The following ZNF438 variants were observed in gnomAD, a reference collection of about 807,000 sequenced individuals.
The protein encoded by ZNF438 is zinc finger protein 438.
A neutral mutation model predicts 38.0 loss-of-function variants in ZNF438; 25 were observed. That is an observed-to-expected ratio of 0.66 (90% CI 0.48 to 0.92). The LOEUF (loss-of-function observed/expected upper bound fraction) is 0.92, where lower values mean the gene tolerates loss of function less well. Ranked by LOEUF, ZNF438 falls within the 40% of genes least tolerant of loss-of-function variation. The pLI is 0.00. For missense variants in ZNF438, 1,007 were observed against 999.6 expected (o/e 1.01, Z -0.10); for synonymous variants, 372 against 364.1 (o/e 1.02, Z -0.25).
At chr10:30,881,328 T>C (rs563804710) in intron 3 of ZNF438, among the ~76,000 whole-genome samples, 1 of 152,280 alleles carries the variant, frequency 6.6e-6, no homozygotes, top group South Asian at 2.1e-4. Flanking sequence ...TATATTTTTG[T>C]ATCCTAGAAA....
At position 31,027,287 on chromosome 10, in the gene ZNF438, A is replaced by T. The variant is rs368737033; in HGVS notation, c.-192+4546T>A. On this transcript the variant is annotated intron_variant, in intron 1 of 5. Coordinates refer to ENST00000413025, the Ensembl canonical transcript of ZNF438. ...AAAAAAGAATTATATTTAAATGCTC[A>T]GTATGTACTATCACTGGGCTAGACA... 3.3e-5 allele frequency among the ~76,000 whole-genome samples: 5 copies of T among 152,308 alleles called. No homozygotes were observed. The East Asian group carries it at 9.6e-4, about 29-fold the overall frequency.
At chr10:30,869,314 C>T (rs1305826631) in intron 4 of ZNF438, among the ~76,000 whole-genome samples, 1 of 152,010 alleles carries the variant, frequency 6.6e-6, no homozygotes, top group Non-Finnish European at 1.5e-5. Context: ...GCGGAGGTTG[C>T]AGTGAGCCAA....
At chr10:30,852,747 T>C (rs982248470) in intron 4 of ZNF438, among the ~76,000 whole-genome samples, 2 of 152,246 alleles carry the variant, frequency 1.3e-5, no homozygotes, top group African/African-American at 4.8e-5. Context: ...TAGTGAGTGC[T>C]ATTGTCTGGA....
exon 5 of ZNF438, chr10:30,849,546 C>T: frequency 6.2e-7 from 1 of 1,614,198 alleles, no homozygotes; most frequent in Non-Finnish European, 8.5e-7. Flanking sequence ...CCTTTGGGGA[C>T]TGAAGAGATC....
intron 1 of ZNF438, among the ~76,000 whole-genome samples, chr10:31,002,402 T>C (rs565423060): frequency 2.2e-4 from 34 of 152,340 alleles, no homozygotes; most frequent in African/African-American, 8.2e-4. Flanking sequence ...CAGTGTGTTG[T>C]GTGATTTTTT....
chr10:30,848,025 A>G (rs541378066), intron 5 of ZNF438, among the ~76,000 whole-genome samples: 1 of 152,328 alleles, frequency 6.6e-6, no homozygotes, highest in East Asian at 1.9e-4. Context: ...GGCTGGTGAA[A>G]TGACACCCCA....
chr10:30,902,003 T>A (rs983753882), intron 3 of ZNF438, among the ~76,000 whole-genome samples: 1 of 142,566 alleles, frequency 7.0e-6, no homozygotes, highest in South Asian at 2.3e-4. Context: ...GCTTTAGGAG[T>A]GAAGCTGCAG....
chr10:30,995,138 C>T (rs2053916406), intron 1 of ZNF438, among the ~76,000 whole-genome samples: 2 of 151,936 alleles, frequency 1.3e-5, no homozygotes, highest in African/African-American at 4.8e-5. Flanking sequence ...TGAATCTACA[C>T]ATCCCCCAAG....
intron 1 of ZNF438, among the ~76,000 whole-genome samples, chr10:30,968,052 A>G (rs1015432685): frequency 3.3e-5 from 5 of 152,340 alleles, no homozygotes; most frequent in East Asian, 1.9e-4. Flanking sequence ...GCATAAATTT[A>G]TAACGGCATG....
At chr10:30,875,481 A>G (rs2038267555) in intron 4 of ZNF438, 1 of 984,990 alleles carries the variant, frequency 1.0e-6, no homozygotes, top group African/African-American at 1.7e-5. Context: ...TTGTTCCATT[A>G]TTTTTTCTCC....
At chr10:30,856,560 G>A (rs1354882272) in intron 4 of ZNF438, among the ~76,000 whole-genome samples, 1 of 152,054 alleles carries the variant, frequency 6.6e-6, no homozygotes, top group African/African-American at 2.4e-5. Context: ...TTCACAGATG[G>A]TGTGATCTAA....
chr10:30,928,344 C>T (rs1027994610), intron 2 of ZNF438, among the ~76,000 whole-genome samples: 4 of 152,024 alleles, frequency 2.6e-5, no homozygotes, highest in Admixed American at 6.6e-5. Context: ...TGCTAAATTT[C>T]AACTTTTGAT....
chr10:30,860,878 G>GGT (rs2035464916), intron 4 of ZNF438, among the ~76,000 whole-genome samples: 1 of 152,170 alleles, frequency 6.6e-6, no homozygotes, highest in South Asian at 2.1e-4. Context: ...AAGAAAGTGG[G>GGT]GTAAGTACAG....
intron 2 of ZNF438, among the ~76,000 whole-genome samples, chr10:30,937,451 A>G (rs544168665): frequency 2.4e-4 from 36 of 152,276 alleles, no homozygotes; most frequent in African/African-American, 7.7e-4. Flanking sequence ...GTGTTATTGC[A>G]TATGTGGGAG....
intron 1 of ZNF438, among the ~76,000 whole-genome samples, chr10:30,963,024 T>A (rs931392121): frequency 6.6e-6 from 1 of 152,212 alleles, no homozygotes; most frequent in South Asian, 2.1e-4. Flanking sequence ...ATTATATTCA[T>A]TTTAAAATCT....
Position 30,965,709 on chromosome 10 carries a change from G to A in ZNF438, c.-191-24058C>T, listed in dbSNP as rs117730179. On this transcript the variant is annotated intron_variant, in intron 1 of 5. Coordinates refer to ENST00000413025, the Ensembl canonical transcript of ZNF438. ...CTTATAAGTGGGAGTGAAACATTAC[G>A]TACACATGAACACAAAGATGGCAGC... Among the ~76,000 whole-genome samples, 726 of 152,198 alleles carry A rather than the reference G, an allele frequency of 4.8e-3. 13 individuals carry two copies. Among genetic ancestry groups the A allele is most frequent in the Middle Eastern group, 0.024 (7 of 294 alleles).
chr10:30,949,838 C>G (rs1406770604), intron 1 of ZNF438, among the ~76,000 whole-genome samples: 1 of 151,834 alleles, frequency 6.6e-6, no homozygotes, highest in Admixed American at 6.6e-5. Flanking sequence ...GACAGATCAA[C>G]GAGACAGAAA....
chr10:30,949,279 C>T (rs1181043516), intron 1 of ZNF438, among the ~76,000 whole-genome samples: 3 of 152,050 alleles, frequency 2.0e-5, no homozygotes, highest in Non-Finnish European at 4.4e-5. Flanking sequence ...AAAACCGGTA[C>T]CAGCCACTGC....
chr10:31,026,077 C>G (rs985181880), intron 1 of ZNF438, among the ~76,000 whole-genome samples: 5 of 152,044 alleles, frequency 3.3e-5, no homozygotes, highest in Admixed American at 1.3e-4. Context: ...ACACTTTATA[C>G]CAAAATTAAT....
Sources: allele counts gnomAD v4.1 joint callset (sites outside exome capture counted in the v4.1 genomes callset), GRCh38; gene constraint gnomAD v4.1.1; transcripts MANE v1.5; gene names NCBI Gene and HGNC (gene_info 2026-07-23, HGNC 2026-07-21).